The following PDXDC1 variants were observed in gnomAD, a reference collection of about 807,000 sequenced individuals.
PDXDC1 encodes the protein pyridoxal-dependent decarboxylase domain-containing protein 1.
PDXDC1 carries 42 observed loss-of-function variants against 100.1 expected under a neutral mutation model. The observed-to-expected ratio is 0.42, with a 90% CI of 0.33 to 0.54. The LOEUF is 0.54. Among genes scored for constraint, PDXDC1 ranks in the 20% least tolerant of loss-of-function variants. The probability of loss-of-function intolerance (pLI) is 0.10; values close to 1 mark genes in which losing one functional copy is unlikely to be tolerated. For synonymous variants in PDXDC1, 260 were observed against 371.7 expected (o/e 0.70, Z 3.46); for missense variants, 636 against 979.2 (o/e 0.65, Z 4.68).
At chr16:15,090,100 T>G (rs1235988877) in intron 16 of PDXDC1, among the ~76,000 whole-genome samples, 1 of 147,712 alleles carries the variant, frequency 6.8e-6, no homozygotes, top group South Asian at 2.2e-4. Flanking sequence ...ATCTCAGCTA[T>G]TTGGGAGGCT....
At chr16:15,141,708 G>A (rs1373681189), downstream of PDXDC1, among the ~76,000 whole-genome samples, 1 of 152,302 alleles carries the variant, frequency 6.6e-6, no homozygotes, top group South Asian at 2.1e-4. Context: ...CATAAGGATG[G>A]GTGGGCCCAC....
At chr16:15,058,001 C>T (rs1395643660) in intron 16 of PDXDC1, among the ~76,000 whole-genome samples, 1 of 152,200 alleles carries the variant, frequency 6.6e-6, no homozygotes, top group East Asian at 1.9e-4. Context: ...TTTTGGTCTA[C>T]AGGCAATGAG....
At chr16:15,041,633 T>C (rs768760001), downstream of PDXDC1, 6 of 1,610,324 alleles carry the variant, frequency 3.7e-6, no homozygotes, top group African/African-American at 4.0e-5. Flanking sequence ...CTGTCACACA[T>C]AATGTCACTA....
chr16:15,041,613 C>A, downstream of PDXDC1: 1 of 1,602,994 alleles, frequency 6.2e-7, no homozygotes, highest in Non-Finnish European at 8.5e-7. Flanking sequence ...GGGCAAATGG[C>A]AGGACTTACC....
At chr16:14,999,217 C>T (rs1597392549) in intron 3 of PDXDC1, among the ~76,000 whole-genome samples, 1 of 152,290 alleles carries the variant, frequency 6.6e-6, no homozygotes, top group Non-Finnish European at 1.5e-5. Context: ...TAGGCACCCA[C>T]CACCACGCCC....
At chr16:15,022,325 C>CA (rs1468945021) in intron 12 of PDXDC1, among the ~76,000 whole-genome samples, 1 of 152,132 alleles carries the variant, frequency 6.6e-6, no homozygotes, top group African/African-American at 2.4e-5. Context: ...TGATGAGTGG[C>CA]AGCACTGTGC....
chr16:15,041,735 C>A, downstream of PDXDC1: 1 of 1,287,284 alleles, frequency 7.8e-7, no homozygotes, highest in African/African-American at 1.5e-5. Context: ...CCAGAACAAA[C>A]TGCTGAGCAA....
Position 15,135,734 on chromosome 16 carries a change from T to A in PDXDC1, c.1400-3145T>A, listed in dbSNP as rs982150171. The A allele has an allele frequency of 4.4e-6, 7 of 1,596,542 alleles. No homozygotes were observed. In the African/African-American group the frequency reaches 9.4e-5, roughly 21 times the overall value. On this transcript the variant is annotated intron_variant, in intron 16 of 16. Transcript: ENST00000535621. ...GTTGGGGTCGTAGGACTCGCTCCCATCCAGCACCAGGTCCTGTGTGTCTGA... is the reference window on the plus strand; with the variant it reads ...GTTGGGGTCGTAGGACTCGCTCCCAACCAGCACCAGGTCCTGTGTGTCTGA...
chr16:15,124,210 G>A (rs1235368941), intron 16 of PDXDC1, among the ~76,000 whole-genome samples: 4 of 152,104 alleles, frequency 2.6e-5, no homozygotes, highest in African/African-American at 9.7e-5. Flanking sequence ...CAGGACCCAG[G>A]GGCCTGGTGA....
chr16:15,094,412 C>T, intron 16 of PDXDC1: 1 of 627,494 alleles, frequency 1.6e-6, no homozygotes, highest in South Asian at 1.9e-5. Flanking sequence ...CCTCGTTCTA[C>T]TTGGAGGACT....
At chr16:15,096,931 G>T (rs977629625) in intron 16 of PDXDC1, among the ~76,000 whole-genome samples, 1 of 152,148 alleles carries the variant, frequency 6.6e-6, no homozygotes, top group Non-Finnish European at 1.5e-5. Context: ...GCCTCCCAAA[G>T]TGTGTCTCCC....
At chr16:14,998,519 G>T (rs559227195) in intron 3 of PDXDC1, 114 bp downstream of exon 3, 9 of 1,141,002 alleles carry the variant, frequency 7.9e-6, no homozygotes, top group South Asian at 6.1e-5. Flanking sequence ...ATCTGGGCTC[G>T]CTGCAACCTC....
chr16:15,090,185 G>A (rs1182314599), intron 16 of PDXDC1, among the ~76,000 whole-genome samples: 1 of 151,956 alleles, frequency 6.6e-6, no homozygotes, highest in East Asian at 1.9e-4. Context: ...ACTCCAGCCT[G>A]CGTGGTAAGA....
At chr16:15,094,243 C>G in intron 16 of PDXDC1, 1 of 1,567,954 alleles carries the variant, frequency 6.4e-7, no homozygotes, top group Non-Finnish European at 8.7e-7. Flanking sequence ...TTGGGCCGAA[C>G]TAACGCGACC....
downstream of PDXDC1, chr16:15,040,450 C>T (rs35361371): frequency 6.7e-5 from 13 of 194,072 alleles, no homozygotes; most frequent in Non-Finnish European, 9.4e-5. Context: ...TATACATACA[C>T]GAAGTTACAG....
At chr16:15,068,331 G>A in intron 16 of PDXDC1, 2 of 1,521,462 alleles carry the variant, frequency 1.3e-6, no homozygotes, top group Non-Finnish European at 1.8e-6. Context: ...AGTGAAAAGT[G>A]TAAGATACTT....
At chr16:15,095,861 G>GTGTGTGTGT (rs1555465769) in intron 16 of PDXDC1, among the ~76,000 whole-genome samples, 1 of 134,358 alleles carries the variant, frequency 7.4e-6, no homozygotes, top group African/African-American at 2.7e-5. Context: ...AAAAAAAAAA[G>GTGTGTGTGT]GTGTGTGTGT....
downstream of PDXDC1, among the ~76,000 whole-genome samples, chr16:15,140,883 A>T (rs2048462491): frequency 6.6e-6 from 1 of 151,910 alleles, no homozygotes. Context: ...CAGGACCCCG[A>T]GACCTCACCT....
intron 16 of PDXDC1, among the ~76,000 whole-genome samples, chr16:15,129,013 G>A (rs994140188): frequency 1.3e-5 from 2 of 151,322 alleles, no homozygotes; most frequent in African/African-American, 4.8e-5. Flanking sequence ...TTCACCGTTA[G>A]CCAGGATGGT....
Sources: gnomAD v4.1 joint callset for allele counts (sites outside exome capture counted in the v4.1 genomes callset) on GRCh38, gnomAD v4.1.1 for gene constraint, MANE v1.5 for transcripts, NCBI Gene and HGNC (gene_info 2026-07-23, HGNC 2026-07-21) for gene names.